The following ZNF665 variants were observed in gnomAD, a reference collection of about 807,000 sequenced individuals.
The protein encoded by ZNF665 is zinc finger protein 665.
In ZNF665, 6 loss-of-function variants were observed where a neutral mutation model predicts 7.9. That is an observed-to-expected ratio of 0.76 (90% CI 0.42 to 1.50). ZNF665 has a LOEUF of 1.50. Ranked by LOEUF, ZNF665 falls within the 40% of genes most tolerant of loss-of-function variation. ZNF665 has a pLI of 0.01. For missense variants in ZNF665, 819 were observed against 806.7 expected (o/e 1.02, Z -0.18); for synonymous variants, 242 against 274.5 (o/e 0.88, Z 1.17).
intron 1 of ZNF665, among the ~76,000 whole-genome samples, chr19:53,192,255 T>C (rs187651288): frequency 1.5e-3 from 221 of 152,270 alleles, no homozygotes; most frequent in Admixed American, 2.7e-3. Flanking sequence ...CCTGTTTCAC[T>C]TCCTTGTCCC....
intron 3 of ZNF665, among the ~76,000 whole-genome samples, chr19:53,167,199 C>T (rs1271925971): frequency 1.3e-5 from 2 of 151,942 alleles, no homozygotes; most frequent in Non-Finnish European, 2.9e-5. Flanking sequence ...CAGGGTTTCT[C>T]CATGTTGGTC....
At chr19:53,185,183 C>T (rs9630876) in intron 1 of ZNF665, among the ~76,000 whole-genome samples, 30,973 of 151,320 alleles carry the variant, frequency 0.2, 3,576 homozygotes, top group Admixed American at 0.25. Flanking sequence ...CTAAACTCCC[C>T]CGGGGAAAGG....
intron 1 of ZNF665, among the ~76,000 whole-genome samples, chr19:53,189,423 G>C (rs1010952004): frequency 2.7e-5 from 4 of 149,444 alleles, no homozygotes; most frequent in Non-Finnish European, 5.9e-5. Flanking sequence ...TAAAGAGTGT[G>C]AGTCACCTCC....
intron 1 of ZNF665, among the ~76,000 whole-genome samples, chr19:53,192,383 C>A (rs1312378891): frequency 1.3e-5 from 2 of 152,094 alleles, no homozygotes; most frequent in East Asian, 3.9e-4. Context: ...TCTATCCTGG[C>A]TCCAAATACC....
rs2090572645 is a variant in ZNF665 at position 53,162,465 on chromosome 19, T to C, written c.*1988A>G. ...ATTTTATTAGTTAAAACATTAAATC[T>C]ATGATGCATTCTTAAATAGTAGCAA... On this transcript the variant is annotated 3_prime_UTR_variant, in exon 4 of 4. Transcript: ENST00000396424. 6.6e-6 allele frequency: 1 copy of C among 152,236 alleles called. No homozygotes were observed. Among genetic ancestry groups the C allele is most frequent in the Non-Finnish European group, 1.5e-5 (1 of 68,054 alleles). 9.4% of individuals were successfully genotyped at this position (152,236 alleles called of 1,614,324 possible). A position where few individuals can be genotyped will look rare whatever the true frequency, so the allele number is the denominator to read the frequency against.
chr19:53,178,874 T>A (rs1176899104), intron 2 of ZNF665, among the ~76,000 whole-genome samples: 2 of 152,218 alleles, frequency 1.3e-5, no homozygotes, highest in Non-Finnish European at 2.9e-5. Context: ...TGCACGCATT[T>A]GGAAGACAAC....
intron 2 of ZNF665, among the ~76,000 whole-genome samples, chr19:53,176,664 C>T (rs1003957665): frequency 6.6e-6 from 1 of 152,210 alleles, no homozygotes. Context: ...CTGAGCCCTA[C>T]ACCTGTGGGA....
intron 3 of ZNF665, 49 bp downstream of exon 3, chr19:53,175,396 A>C: frequency 6.3e-7 from 1 of 1,582,824 alleles, no homozygotes; most frequent in Non-Finnish European, 8.6e-7. Flanking sequence ...GGGAAAATGA[A>C]AACATACACG....
At chr19:53,176,431 T>C (rs899648578) in intron 2 of ZNF665, among the ~76,000 whole-genome samples, 4 of 152,146 alleles carry the variant, frequency 2.6e-5, no homozygotes, top group Admixed American at 2.0e-4. Context: ...CTTCTCCCTA[T>C]CTCACCCAAT....
chr19:53,177,536 C>CAAACA (rs150554635), intron 2 of ZNF665, among the ~76,000 whole-genome samples: 63,212 of 149,080 alleles, frequency 0.42, 13,965 homozygotes, highest in African/African-American at 0.53. Context: ...AACAGGGAGA[C>CAAACA]AAACAAAACA....
At chr19:53,172,271 G>A (rs2146852208) in intron 3 of ZNF665, among the ~76,000 whole-genome samples, 1 of 152,188 alleles carries the variant, frequency 6.6e-6, no homozygotes, top group African/African-American at 2.4e-5. Flanking sequence ...CTGTTCAAGG[G>A]CCAACTGTAT....
chr19:53,166,612 C>T (rs897184683), intron 3 of ZNF665, among the ~76,000 whole-genome samples: 1 of 152,120 alleles, frequency 6.6e-6, no homozygotes, highest in Non-Finnish European at 1.5e-5. Flanking sequence ...CATATTAGCC[C>T]TGAAAGGAGT....
intron 1 of ZNF665, among the ~76,000 whole-genome samples, chr19:53,189,183 CTG>C (rs2146891973): frequency 6.6e-6 from 1 of 151,898 alleles, no homozygotes; most frequent in South Asian, 2.1e-4. Context: ...CGTCCTGAGA[CTG>C]TGGTGCAAAA....
intron 2 of ZNF665, chr19:53,180,575 T>A (rs1038619142): frequency 6.6e-6 from 1 of 152,218 alleles, no homozygotes; most frequent in Admixed American, 6.5e-5. Context: ...TACATATTCA[T>A]GTGTGCACAT....
chr19:53,174,900 G>A (rs1290378150), intron 3 of ZNF665, among the ~76,000 whole-genome samples: 4 of 148,976 alleles, frequency 2.7e-5, no homozygotes, highest in African/African-American at 7.4e-5. Flanking sequence ...ATCCGAGATC[G>A]TGCCATTGCA....
chr19:53,183,918 G>A (rs529383449), intron 1 of ZNF665, among the ~76,000 whole-genome samples: 1 of 152,238 alleles, frequency 6.6e-6, no homozygotes, highest in South Asian at 2.1e-4. Flanking sequence ...AGGTCAGGGA[G>A]GGCTGAGGTC....
intron 3 of ZNF665, among the ~76,000 whole-genome samples, chr19:53,166,621 G>A (rs1210784608): frequency 6.6e-6 from 1 of 152,184 alleles, no homozygotes; most frequent in African/African-American, 2.4e-5. Context: ...CCTGAAAGGA[G>A]TATTTTTCAA....
chr19:53,182,051 A>C (rs2090741265), intron 2 of ZNF665: 1 of 152,258 alleles, frequency 6.6e-6, no homozygotes, highest in Admixed American at 6.5e-5. Context: ...TGCCTGAGGG[A>C]TAAGTTTCTC....
chr19:53,175,499 T>C lies in ZNF665; in HGVS notation c.88A>G (p.Lys30Glu). Residue 30 changes from lysine to glutamate, a missense_variant, in exon 3 of 4, where the codon AAG (lysine) becomes GAG (glutamate). Physicochemically the swap from Lys to Glu is moderately conservative, Grantham distance 56. Coordinates refer to ENST00000396424, the MANE Select transcript of ZNF665 (RefSeq NM_024733.5). ...EEWTCLDPAQ[K>E]TLYRDVMLEN... ...AACATGACGTCCCTGTACAAAGTCT[T>C]CTGAGCAGGGTCCAGGCATGTCCAC... is the stretch of plus-strand genomic sequence containing the variant. The C allele has an allele frequency of 6.2e-7, 1 of 1,613,306 alleles. No homozygotes were observed. The highest frequency in any genetic ancestry group is 8.5e-7 in the Non-Finnish European group (1 of 1,179,736).
Sources: gnomAD v4.1 joint callset for allele counts (sites outside exome capture counted in the v4.1 genomes callset) on GRCh38, gnomAD v4.1.1 for gene constraint, MANE v1.5 for transcripts, NCBI Gene and HGNC (gene_info 2026-07-23, HGNC 2026-07-21) for gene names.